Variants in PLEKHG4B observed in about 807,000 individuals in gnomAD.
The protein encoded by PLEKHG4B is pleckstrin homology and RhoGEF domain containing G4B.
A neutral mutation model predicts 121.3 loss-of-function variants in PLEKHG4B; 111 were observed. That is an observed-to-expected ratio of 0.92 (90% CI 0.78 to 1.07). The LOEUF (loss-of-function observed/expected upper bound fraction) is 1.07. Among genes scored for constraint, PLEKHG4B ranks in the 50% least tolerant of loss-of-function variants. The pLI, the probability that PLEKHG4B is intolerant of heterozygous loss-of-function variation, is 0.00. For missense variants in PLEKHG4B, 1,831 were observed against 1,757.8 expected, an observed-to-expected ratio of 1.04 and a Z score of -0.74; for synonymous variants, 738 against 725.0, an observed-to-expected ratio of 1.02 and a Z score of -0.29.
intron 18 of PLEKHG4B, among the ~76,000 whole-genome samples, chr5:178,626 C>T (rs975136887): frequency 6.6e-6 from 1 of 152,032 alleles, no homozygotes; most frequent in African/African-American, 2.4e-5. Context: ...TTTTTGCTTC[C>T]TATGTTTTGA....
intron 2 of PLEKHG4B, among the ~76,000 whole-genome samples, chr5:138,501 G>A (rs1176440948): frequency 6.6e-6 from 1 of 152,214 alleles, no homozygotes; most frequent in African/African-American, 2.4e-5. Context: ...CCATCTGCAT[G>A]TGTGTCTCTT....
chr5:181,469 G>A (rs1263360713), intron 18 of PLEKHG4B, 45 bp from the exon 19 acceptor site: 1 of 1,588,962 alleles, frequency 6.3e-7, no homozygotes, highest in Admixed American at 1.7e-5. Context: ...GGTGGCATTA[G>A]CCCCCGAGTT....
At position 143,572 on chromosome 5, in the gene PLEKHG4B, G is replaced by A. The variant is rs1409645943; in HGVS notation, c.1811+69G>A. ...CCAGCTGCATGTGTGTGGCAAAGTG[G>A]GGGGCACGGGGAGGTGCCAGCTTCC... is the stretch of plus-strand genomic sequence containing the variant. On this transcript the variant is annotated intron_variant, in intron 5 of 19. Coordinates refer to ENST00000637938, the MANE Select transcript of PLEKHG4B (RefSeq NM_052909.5). 4 of 1,577,356 alleles carry A rather than the reference G, an allele frequency of 2.5e-6. No homozygotes were observed. In the South Asian group the frequency reaches 3.4e-5, roughly 13 times the overall value.
At chr5:160,173 G>A (rs779123257) in intron 11 of PLEKHG4B, among the ~76,000 whole-genome samples, 2 of 152,256 alleles carry the variant, frequency 1.3e-5, no homozygotes, top group Non-Finnish European at 2.9e-5. Context: ...GCCGCATGTG[G>A]CGGCCTCGGC....
In PLEKHG4B at chr5:156,093, A is replaced by G. The variant is rs115325197; in HGVS notation, c.2231A>G (p.Gln744Arg). 5.1e-4 allele frequency: 804 copies of G among 1,590,268 alleles called. 4 individuals are homozygous for G. In the African/African-American group the frequency reaches 9.3e-3, roughly 18 times the overall value. Reference sequence around the variant, plus strand: ...CAGGAAGTCGCCGAGTTAATTGACCAGCATGAGACGATGATGAAGCTTGTC... The same window carrying G: ...CAGGAAGTCGCCGAGTTAATTGACCGGCATGAGACGATGATGAAGCTTGTC... ...TAQEVAELID[Q>R]HETMMKLVLE... The change falls in exon 10 of 20, where the codon CAG becomes CGG. Residue 744 changes from glutamine to arginine, a missense_variant. Gln to Arg is a conservative substitution (Grantham distance 43). Transcript: ENST00000637938. This position sits in a 1 kb window ranked among gnomAD's most constrained non-coding sequence, Gnocchi z 4.4.
chr5:174,102 G>A lies in PLEKHG4B; in HGVS notation c.4402+4G>A. 6.4e-7 allele frequency: 1 copy of A among 1,566,220 alleles called. No homozygotes were observed. Among genetic ancestry groups the A allele is most frequent in the Non-Finnish European group, 8.7e-7 (1 of 1,156,020 alleles). ...CGGCAGGCACTAAAGAGCAGAGGTG[G>A]GAAGATGGGGGCCGCAGGGCCTGCC... On this transcript the variant is annotated splice_donor_region_variant and intron_variant, in intron 18 of 19. Coordinates refer to ENST00000637938, the MANE Select transcript of PLEKHG4B (RefSeq NM_052909.5).
rs1397821301 is a variant in PLEKHG4B, at chr5:139,660, C to G, written c.421C>G (p.Leu141Val). 8 of 398,782 alleles carry G rather than the reference C, an allele frequency of 2.0e-5. No homozygotes were observed. Among genetic ancestry groups the G allele is most frequent in the Non-Finnish European group, 3.1e-5 (7 of 226,120 alleles). 24.7% of individuals were successfully genotyped at this position (398,782 alleles called of 1,614,324 possible). A position where few individuals can be genotyped will look rare whatever the true frequency, so the allele number is the denominator to read the frequency against. Reference sequence around the variant, plus strand: ...ACTGGTCTTGAAATGCCTGTCCCGGCTGGGAAGAGGCACAGAGGAAGTCAC... The same window carrying G: ...ACTGGTCTTGAAATGCCTGTCCCGGGTGGGAAGAGGCACAGAGGAAGTCAC... ...ARLVLKCLSR[L>V]GRGTEEVTVP... Residue 141 changes from leucine (L) to valine (V), a missense_variant, in exon 3 of 20, where the codon CTG (leucine) becomes GTG (valine). Leu to Val is a conservative substitution (Grantham distance 32). Coordinates refer to ENST00000637938, the MANE Select transcript of PLEKHG4B (RefSeq NM_052909.5). The surrounding 1 kb of genome is among the most constrained non-coding windows in gnomAD (Gnocchi z 5.0).
chr5:94,828 C>T (rs930856340), intron 1 of PLEKHG4B, among the ~76,000 whole-genome samples: 7 of 152,082 alleles, frequency 4.6e-5, no homozygotes, highest in African/African-American at 1.7e-4. Flanking sequence ...TGTTGTCCTT[C>T]GGGCCAGTAG....
rs144920306 is a variant in PLEKHG4B at position 126,185 on chromosome 5, A to G, written c.243+12737A>G. Among the ~76,000 whole-genome samples the G allele has an allele frequency of 3.4e-3, 522 of 152,260 alleles. 3 individuals carry two copies. Among genetic ancestry groups the G allele is most frequent in the Non-Finnish European group, 6.4e-3 (432 of 68,014 alleles). On this transcript the variant is annotated intron_variant, in intron 2 of 19. Transcript: ENST00000637938. ...CACACATTATTTCTTCAAATATTCT[A>G]TGCCTTTTTACTCTCCTTCTGGAAC...
chr5:162,069 T>C (rs1017562471), intron 12 of PLEKHG4B, 125 bp downstream of exon 12: 5 of 1,262,816 alleles, frequency 4.0e-6, no homozygotes, highest in African/African-American at 3.4e-5. Flanking sequence ...GCACCTGCGA[T>C]GGAGCCCCCC....
intron 18 of PLEKHG4B, among the ~76,000 whole-genome samples, chr5:179,180 G>A (rs114602062): frequency 0.021 from 3,223 of 152,102 alleles, 58 homozygotes; most frequent in South Asian, 0.033. Context: ...TTTGAGATAC[G>A]TCTCTTGTAA....
chr5:164,488 C>CGG (rs1379364861), intron 13 of PLEKHG4B, among the ~76,000 whole-genome samples: 1 of 100,070 alleles, frequency 1.0e-5, no homozygotes. Context: ...AGAGCTCACA[C>CGG]TAATGCTCTG....
At chr5:107,207 C>T (rs1734002099) in intron 1 of PLEKHG4B, among the ~76,000 whole-genome samples, 1 of 152,194 alleles carries the variant, frequency 6.6e-6, no homozygotes. Context: ...CTGAGGCGGC[C>T]ACATGTACCC....
At chr5:181,727 G>A in intron 19 of PLEKHG4B, 52 bp downstream of exon 19, 1 of 1,577,276 alleles carries the variant, frequency 6.3e-7, no homozygotes, top group South Asian at 1.2e-5. Flanking sequence ...CACTGGGCCT[G>A]TCATCAAGGG....
At chr5:105,804 C>T (rs1172447702) in intron 1 of PLEKHG4B, among the ~76,000 whole-genome samples, 4 of 152,112 alleles carry the variant, frequency 2.6e-5, no homozygotes, top group Admixed American at 6.5e-5. Context: ...TTCAAGACGA[C>T]GTAAGCAGGA....
At position 137,888 on chromosome 5, in the gene PLEKHG4B, G is replaced by A. The variant is rs565285800; in HGVS notation, c.244-1595G>A. Among the ~76,000 whole-genome samples the A allele has an allele frequency of 2.0e-5, 3 of 152,336 alleles. No individual in the cohort carries two copies. The highest frequency in any genetic ancestry group is 4.8e-5 in the African/African-American group (2 of 41,578). On this transcript the variant is annotated intron_variant, in intron 2 of 19. Transcript: ENST00000637938. The surrounding 1 kb of genome is among the most constrained non-coding windows in gnomAD (Gnocchi z 4.2). ...GGTGAAACCTGTGGAGGGGATGGAG[G>A]TGGCCCCACCAGGCATCCAGCCCAG... is the stretch of plus-strand genomic sequence containing the variant.
chr5:158,398 C>T (rs562300990), intron 11 of PLEKHG4B, among the ~76,000 whole-genome samples: 175 of 146,540 alleles, frequency 1.2e-3, no homozygotes, highest in Middle Eastern at 7.6e-3. Flanking sequence ...ATCTCCTCTC[C>T]TCTCTCTGCC....
intron 2 of PLEKHG4B, among the ~76,000 whole-genome samples, chr5:134,127 T>C: frequency 9.2e-6 from 1 of 108,316 alleles, no homozygotes; most frequent in Non-Finnish European, 1.9e-5. Flanking sequence ...ATATATGTGA[T>C]GGAATACTAC....
At position 162,826 on chromosome 5, in the gene PLEKHG4B, G is replaced by T; in HGVS notation, c.2754G>T (p.Glu918Asp). The T allele has an allele frequency of 6.6e-7, 1 of 1,511,346 alleles. No homozygotes were observed. The highest frequency in any genetic ancestry group is 8.9e-7 in the Non-Finnish European group (1 of 1,129,548). 93.6% of individuals were successfully genotyped at this position (1,511,346 alleles called of 1,614,324 possible). The part of the protein sequence containing the change: ...CHQEATSVAA[E>D]AFPGAGVAVL... ...AGGAGGCTACCTCGGTGGCTGCAGA[G>T]GCCTTCCCCGGGGCAGGTGTGGCAG... The change falls in exon 13 of 20, where the codon GAG becomes GAT. Residue 918 changes from glutamate (E) to aspartate (D), a missense_variant. Coordinates refer to ENST00000637938, the MANE Select transcript of PLEKHG4B (RefSeq NM_052909.5).
Sources: allele counts gnomAD v4.1 joint callset (sites outside exome capture counted in the v4.1 genomes callset), GRCh38; gene constraint gnomAD v4.1.1; non-coding constraint Gnocchi (gnomAD v3.1); transcripts MANE v1.5; gene names NCBI Gene and HGNC (gene_info 2026-07-23, HGNC 2026-07-21).